Variants in VPS50 observed in about 807,000 individuals in gnomAD.
VPS50 encodes the protein syndetin.
A neutral mutation model predicts 139.7 loss-of-function variants in VPS50; 70 were observed. The ratio of observed to expected loss-of-function variants is 0.50; its 90% CI spans 0.41 to 0.61. VPS50 has a LOEUF of 0.61. Among genes scored for constraint, VPS50 ranks in the 20% least tolerant of loss-of-function variants. The probability of loss-of-function intolerance (pLI) is 0.00; values close to 1 mark genes in which losing one functional copy is unlikely to be tolerated. For missense variants in VPS50, 921 were observed against 1,133.7 expected, an observed-to-expected ratio of 0.81 and a Z score of 2.69; for synonymous variants, 365 against 376.7, an observed-to-expected ratio of 0.97 and a Z score of 0.36.
At chr7:93,285,875 T>G (rs1024843473) in intron 12 of VPS50, among the ~76,000 whole-genome samples, 1 of 152,228 alleles carries the variant, frequency 6.6e-6, no homozygotes, top group Non-Finnish European at 1.5e-5. Flanking sequence ...ACATCCAGTT[T>G]CTTCATCTTC....
chr7:93,286,328 A>G (rs1003843087), intron 12 of VPS50, among the ~76,000 whole-genome samples: 8 of 152,174 alleles, frequency 5.3e-5, no homozygotes, highest in African/African-American at 1.9e-4. Context: ...GGATTATAAT[A>G]TGGTGCTCCT....
Position 93,320,018 on chromosome 7 carries a change from C to T in VPS50, c.1856-3593C>T, listed in dbSNP as rs115488473. ...TGAATTATTCTGTTTCTTTTGGGAT[C>T]AACTTTTCATTTTCACACTCTGAGT... On this transcript the variant is annotated intron_variant, in intron 20 of 27. Transcript: ENST00000305866. Among the ~76,000 whole-genome samples, 1,492 of 151,822 alleles carry T rather than the reference C, an allele frequency of 9.8e-3. 32 individuals carry two copies. The highest frequency in any genetic ancestry group is 0.034 in the African/African-American group (1,407 of 41,436).
intron 2 of VPS50, among the ~76,000 whole-genome samples, chr7:93,241,644 G>T (rs1794993697): frequency 6.6e-6 from 1 of 152,014 alleles, no homozygotes; most frequent in South Asian, 2.1e-4. Context: ...CTGAGAACAT[G>T]AGAGTTGCTG....
intron 20 of VPS50, 60 bp downstream of exon 20, chr7:93,311,332 C>G: frequency 1.2e-6 from 1 of 811,378 alleles, no homozygotes; most frequent in Non-Finnish European, 2.2e-6. Flanking sequence ...TACCGAATGA[C>G]TTTTACTTGT....
In VPS50 at chr7:93,286,879, T is replaced by G. The variant is rs563325516; in HGVS notation, c.943-4824T>G. Among the ~76,000 whole-genome samples the G allele has an allele frequency of 5.3e-5, 8 of 152,196 alleles. 1 individual carries two copies. In the South Asian group the frequency reaches 1.5e-3, roughly 28 times the overall value. ...CACTGTGACAATTGACACCAGTTGGTTGCATGGCATAATGGAAAGGGGCTC... is the reference window on the plus strand; with the variant it reads ...CACTGTGACAATTGACACCAGTTGGGTGCATGGCATAATGGAAAGGGGCTC... On this transcript the variant is annotated intron_variant, in intron 12 of 27. Coordinates refer to ENST00000305866, the MANE Select transcript of VPS50 (RefSeq NM_017667.4).
At chr7:93,265,040 CAAG>C (rs1443786825) in intron 9 of VPS50, among the ~76,000 whole-genome samples, 1 of 152,234 alleles carries the variant, frequency 6.6e-6, no homozygotes, top group African/African-American at 2.4e-5. Context: ...TCCTAATAAA[CAAG>C]AGGGTTTTAA....
At chr7:93,319,776 C>G (rs908489911) in intron 20 of VPS50, among the ~76,000 whole-genome samples, 1 of 152,052 alleles carries the variant, frequency 6.6e-6, no homozygotes, top group African/African-American at 2.4e-5. Flanking sequence ...TCTCTGTTCT[C>G]TCTTTTTAAA....
intron 23 of VPS50, among the ~76,000 whole-genome samples, chr7:93,341,856 T>C (rs1226070653): frequency 6.6e-6 from 1 of 152,238 alleles, no homozygotes; most frequent in Non-Finnish European, 1.5e-5. Flanking sequence ...CATTATACTA[T>C]GCTTCATATT....
At chr7:93,336,069 A>G (rs1798062819) in intron 22 of VPS50, among the ~76,000 whole-genome samples, 2 of 152,212 alleles carry the variant, frequency 1.3e-5, no homozygotes, top group African/African-American at 4.8e-5. Context: ...ACAATGGCAG[A>G]GTACATTAAT....
chr7:93,308,284 C>G (rs1311419086), intron 18 of VPS50, among the ~76,000 whole-genome samples: 4 of 151,726 alleles, frequency 2.6e-5, no homozygotes, highest in Middle Eastern at 3.2e-3. Flanking sequence ...AGAGTAAATC[C>G]ACCATTTTTG....
At chr7:93,356,206 A>G (rs1197406476) in intron 27 of VPS50, 126 bp downstream of exon 27, 4 of 499,112 alleles carry the variant, frequency 8.0e-6, no homozygotes, top group South Asian at 4.1e-5. Context: ...TTTTAATACA[A>G]ACTACTTAGG....
intron 11 of VPS50, among the ~76,000 whole-genome samples, chr7:93,274,567 T>C (rs1281094524): frequency 6.6e-6 from 1 of 152,126 alleles, no homozygotes; most frequent in East Asian, 1.9e-4. Flanking sequence ...TTTCAAAATA[T>C]TTCTGTCTAT....
intron 2 of VPS50, among the ~76,000 whole-genome samples, chr7:93,246,924 C>G (rs2116801716): frequency 6.6e-6 from 1 of 151,850 alleles, no homozygotes; most frequent in East Asian, 1.9e-4. Flanking sequence ...AGCTGAATCC[C>G]CAATTCCCAT....
In VPS50 at chr7:93,297,243, G is replaced by T; in HGVS notation, c.1361G>T (p.Arg454Ile). The T allele has an allele frequency of 6.5e-7, 1 of 1,540,694 alleles. No individual in the cohort carries two copies. The highest frequency in any genetic ancestry group is 1.3e-5 in the South Asian group (1 of 76,524). ...QSVNYFKNYH[R>I]TRLDELRMFL... ...GTCAATTATTTCAAGAATTACCATA[G>T]GTAAGAACTCTAATAAGATATGAAT... is the stretch of plus-strand genomic sequence containing the variant. Residue 454 changes from arginine (R) to isoleucine (I), a missense_variant and splice_region_variant, in exon 16 of 28, where the codon AGA becomes ATA. This residue lies in a region of VPS50 where 744 missense variants were observed against 930.6 expected (regional missense o/e 0.80). Transcript: ENST00000305866.
At chr7:93,298,882 G>A (rs980522754) in intron 16 of VPS50, among the ~76,000 whole-genome samples, 9 of 152,186 alleles carry the variant, frequency 5.9e-5, no homozygotes, top group South Asian at 2.1e-4. Context: ...GGTTCTTGTC[G>A]CATTTTTTGC....
At chr7:93,296,594 T>C (rs1223647399) in intron 14 of VPS50, 148 bp from the exon 15 acceptor site, 2 of 1,379,494 alleles carry the variant, frequency 1.4e-6, no homozygotes, top group Non-Finnish European at 1.9e-6. Context: ...CCCTTAAGGA[T>C]GTTGGCTATT....
In VPS50 at chr7:93,276,331, A is replaced by C. The variant is rs143451985; in HGVS notation, c.942+26A>C. 4.4e-6 allele frequency: 7 copies of C among 1,585,786 alleles called. No individual in the cohort carries two copies. In the Admixed American group the frequency reaches 8.5e-5, roughly 19 times the overall value. ...GTATGTAGTGACTTAATTACTATTC[A>C]TATATCTCTCCTTTAGATTTTAAAT... is the stretch of plus-strand genomic sequence containing the variant. On this transcript the variant is annotated intron_variant, in intron 12 of 27. Transcript: ENST00000305866.
chr7:93,235,327 T>C (rs556016758), intron 1 of VPS50, among the ~76,000 whole-genome samples: 1 of 152,310 alleles, frequency 6.6e-6, no homozygotes, highest in South Asian at 2.1e-4. Flanking sequence ...TTATAGGTAA[T>C]AGCAAGGTCA....
intron 4 of VPS50, 166 bp from the exon 5 acceptor site, chr7:93,256,343 A>T: frequency 2.4e-6 from 1 of 423,550 alleles, no homozygotes. Flanking sequence ...TCTTTTACTA[A>T]TTTCATAGCC....
Sources: gnomAD v4.1 joint callset for allele counts (sites outside exome capture counted in the v4.1 genomes callset) on GRCh38, gnomAD v4.1.1 for gene constraint, gnomAD v4.1.1 regional missense constraint, MANE v1.5 for transcripts, NCBI Gene and HGNC (gene_info 2026-07-23, HGNC 2026-07-21) for gene names.